The following SLC25A12 variants were observed in gnomAD, a reference collection of about 807,000 sequenced individuals.
The protein encoded by SLC25A12 is electrogenic aspartate/glutamate antiporter SLC25A12, mitochondrial.
SLC25A12 carries 32 observed loss-of-function variants against 83.3 expected under a neutral mutation model. That is an observed-to-expected ratio of 0.38 (90% confidence interval 0.29 to 0.52). SLC25A12 has a LOEUF of 0.52. SLC25A12 is among the 20% of genes least tolerant of loss of function. The probability of loss-of-function intolerance (pLI) is 0.84; values close to 1 mark genes in which losing one functional copy is unlikely to be tolerated. For synonymous variants in SLC25A12, 267 were observed against 291.1 expected, an observed-to-expected ratio of 0.92 and a Z score of 0.84; for missense variants, 611 against 835.6, an observed-to-expected ratio of 0.73 and a Z score of 3.31.
At chr2:171,884,045 CTTT>C (rs752910386) in intron 2 of SLC25A12, among the ~76,000 whole-genome samples, 1 of 136,400 alleles carries the variant, frequency 7.3e-6, no homozygotes, top group Admixed American at 7.4e-5. Context: ...TCTTTTTTAT[CTTT>C]TTTTTTTTTT....
At chr2:171,799,688 G>C (rs574238142) in intron 13 of SLC25A12, among the ~76,000 whole-genome samples, 1 of 152,156 alleles carries the variant, frequency 6.6e-6, no homozygotes, top group Admixed American at 6.5e-5. Flanking sequence ...TTTGCATTCG[G>C]CATAACCATT....
chr2:171,885,799 T>C (rs1685805868), intron 2 of SLC25A12, among the ~76,000 whole-genome samples: 1 of 152,248 alleles, frequency 6.6e-6, no homozygotes, highest in South Asian at 2.1e-4. Flanking sequence ...TTTCTGTGTG[T>C]CTCATACTGG....
At chr2:171,845,901 G>C in intron 4 of SLC25A12, 1 of 417,364 alleles carries the variant, frequency 2.4e-6, no homozygotes, top group Admixed American at 2.7e-5. Flanking sequence ...TAGGTCAAGC[G>C]TTTTCACCTT....
At chr2:171,865,583 C>T (rs1170372636) in intron 3 of SLC25A12, among the ~76,000 whole-genome samples, 1 of 151,902 alleles carries the variant, frequency 6.6e-6, no homozygotes. Context: ...ATCACTTGAA[C>T]CCAGGAGGTG....
At chr2:171,841,616 C>G (rs1444440429) in intron 5 of SLC25A12, among the ~76,000 whole-genome samples, 2 of 151,890 alleles carry the variant, frequency 1.3e-5, no homozygotes, top group Non-Finnish European at 2.9e-5. Context: ...CAAGTGATCT[C>G]CCCACCTTGG....
chr2:171,860,820 G>A (rs12692977), intron 3 of SLC25A12, among the ~76,000 whole-genome samples: 117,087 of 152,024 alleles, frequency 0.77, 46,152 homozygotes, highest in East Asian at 0.89. Context: ...AGTGGCTCAC[G>A]CCTGTAATCC....
intron 8 of SLC25A12, among the ~76,000 whole-genome samples, chr2:171,827,635 T>C (rs1007267890): frequency 1.3e-5 from 2 of 152,254 alleles, no homozygotes; most frequent in African/African-American, 2.4e-5. Flanking sequence ...CTTGAGCTGC[T>C]TGCTCAAGCC....
Position 171,828,992 on chromosome 2 carries a change from A to G in SLC25A12, c.846-2110T>C, listed in dbSNP as rs78946906. On this transcript the variant is annotated intron_variant, in intron 8 of 17. Coordinates refer to ENST00000422440, the MANE Select transcript of SLC25A12 (RefSeq NM_003705.5). ...CAAGGCCCAGAGTTTTTCCAGGGGG[A>G]TGCCCCAGGTAAAATTTGAGTCACC... Among the ~76,000 whole-genome samples the G allele has an allele frequency of 5.2e-3, 786 of 152,310 alleles. 13 individuals carry two copies. Among genetic ancestry groups the G allele is most frequent in the African/African-American group, 0.018 (741 of 41,582 alleles).
chr2:171,824,266 A>T (rs1253780581), intron 9 of SLC25A12, among the ~76,000 whole-genome samples: 1 of 152,242 alleles, frequency 6.6e-6, no homozygotes, highest in Non-Finnish European at 1.5e-5. Context: ...AATTCACAGC[A>T]GTAGCAAAAT....
chr2:171,785,321 T>C lies in SLC25A12; in HGVS notation c.1990A>G (p.Ser664Gly). The change falls in exon 18 of 18, where the codon AGT becomes GGT. Residue 664 changes from serine (S) to glycine (G), a missense_variant. Ser to Gly is a moderately conservative substitution (Grantham distance 56). Transcript: ENST00000422440. ...GCCTTTGGCTGAACCACAGCAACACTAGGAGACTTAAATTTCGGGAGATAA... is the reference window on the plus strand; with the variant it reads ...GCCTTTGGCTGAACCACAGCAACACCAGGAGACTTAAATTTCGGGAGATAA... The part of the protein sequence containing the change: ...GLYLPKFKSP[S>G]VAVVQPKAAV... 1 of 1,614,148 alleles carries C rather than the reference T, an allele frequency of 6.2e-7. No individual in the cohort carries two copies.
At chr2:171,886,385 C>T (rs1315830744) in intron 2 of SLC25A12, among the ~76,000 whole-genome samples, 2 of 151,462 alleles carry the variant, frequency 1.3e-5, no homozygotes, top group Admixed American at 1.3e-4. Context: ...CATGCCACCA[C>T]CACACCCAGC....
intron 4 of SLC25A12, among the ~76,000 whole-genome samples, chr2:171,855,402 C>T (rs763105140): frequency 4.6e-5 from 7 of 152,168 alleles, no homozygotes; most frequent in Non-Finnish European, 7.4e-5. Flanking sequence ...TATCCTCCTT[C>T]GGTTCCATTC....
chr2:171,833,908 C>T (rs3736499), intron 8 of SLC25A12, 55 bp downstream of exon 8: 267,617 of 1,068,822 alleles, frequency 0.25, 37,280 homozygotes, highest in East Asian at 0.56. Flanking sequence ...ACCACTGCTT[C>T]ACATTTTAGA....
chr2:171,886,762 G>C (rs1305534907), intron 2 of SLC25A12, among the ~76,000 whole-genome samples: 2 of 151,912 alleles, frequency 1.3e-5, no homozygotes, highest in Non-Finnish European at 2.9e-5. Context: ...CGCCCACCTT[G>C]GCCTCCCAAA....
At chr2:171,785,797 T>C (rs1558904333) in intron 17 of SLC25A12, among the ~76,000 whole-genome samples, 2 of 152,114 alleles carry the variant, frequency 1.3e-5, no homozygotes, top group South Asian at 2.1e-4. Context: ...TTATGGATGA[T>C]TTTTTTCTTT....
intron 4 of SLC25A12, among the ~76,000 whole-genome samples, chr2:171,853,057 A>G (rs563220590): frequency 1.3e-5 from 2 of 152,274 alleles, no homozygotes; most frequent in Admixed American, 6.5e-5. Context: ...GGGTATCACT[A>G]TGTTGTGCAA....
At chr2:171,870,596 G>A (rs1685438054) in intron 2 of SLC25A12, among the ~76,000 whole-genome samples, 1 of 152,108 alleles carries the variant, frequency 6.6e-6, no homozygotes, top group South Asian at 2.1e-4. Context: ...ACTCCAGCCT[G>A]GGCAACAGAG....
intron 13 of SLC25A12, among the ~76,000 whole-genome samples, chr2:171,807,464 C>T (rs1157773027): frequency 6.6e-6 from 1 of 152,144 alleles, no homozygotes; most frequent in African/African-American, 2.4e-5. Flanking sequence ...ACATGTCAGA[C>T]ATGGAAACAG....
chr2:171,867,230 T>C (rs1357784405), intron 3 of SLC25A12, among the ~76,000 whole-genome samples: 1 of 146,878 alleles, frequency 6.8e-6, no homozygotes, highest in Non-Finnish European at 1.5e-5. Context: ...CCAGACGGGG[T>C]GGCGGCCGGG....
Sources: gnomAD v4.1 joint callset for allele counts (sites outside exome capture counted in the v4.1 genomes callset) on GRCh38, gnomAD v4.1.1 for gene constraint, MANE v1.5 for transcripts, NCBI Gene and HGNC (gene_info 2026-07-23, HGNC 2026-07-21) for gene names.